Variants in OTOF observed in about 807,000 individuals in gnomAD.
The protein encoded by OTOF is fer-1-like family member 2.
A neutral mutation model predicts 236.8 loss-of-function variants in OTOF; 218 were observed. That is an observed-to-expected ratio of 0.92 (90% CI 0.82 to 1.03). OTOF has a LOEUF of 1.03. Ranked by LOEUF, OTOF falls within the 50% of genes least tolerant of loss-of-function variation. The pLI, the probability that OTOF is intolerant of heterozygous loss-of-function variation, is 0.00. For missense variants in OTOF, 2,590 were observed against 2,694.4 expected (o/e 0.96, Z 0.86); for synonymous variants, 1,041 against 1,072.5 (o/e 0.97, Z 0.57).
At chr2:26,540,047 C>G (rs141267587) in intron 1 of OTOF, among the ~76,000 whole-genome samples, 2 of 152,216 alleles carry the variant, frequency 1.3e-5, no homozygotes, top group African/African-American at 4.8e-5. Flanking sequence ...GATTCTCGTG[C>G]CTCAGCCTCC....
intron 3 of OTOF, among the ~76,000 whole-genome samples, chr2:26,524,680 A>T (rs1447728736): frequency 6.6e-6 from 1 of 152,250 alleles, no homozygotes; most frequent in Non-Finnish European, 1.5e-5. Flanking sequence ...CTTTCATTAT[A>T]AATGATTTAA....
chr2:26,496,264 C>G lies in OTOF; in HGVS notation c.766-1191G>C, dbSNP rs372244844. ...TTTTTTTTTTTTTCACACTGAGTCT[C>G]TCTCTGTCACTCAGGCCTGGAGTGC... On this transcript the variant is annotated intron_variant, in intron 8 of 46. Transcript: ENST00000272371. 2.0e-4 allele frequency among the ~76,000 whole-genome samples: 29 copies of G among 144,492 alleles called. No individual in the cohort carries two copies. In the East Asian group the frequency reaches 5.5e-3, roughly 27 times the overall value. 94.8% of individuals were successfully genotyped at this position (144,492 alleles called of 152,430 possible).
intron 22 of OTOF, 143 bp downstream of exon 22, chr2:26,476,748 C>A (rs573607313): frequency 4.5e-6 from 2 of 445,182 alleles, no homozygotes; most frequent in South Asian, 3.5e-5. Flanking sequence ...ACCCCTTCCC[C>A]CACGTCCTTC....
At chr2:26,502,731 T>C (rs1410251718) in intron 6 of OTOF, among the ~76,000 whole-genome samples, 1 of 152,232 alleles carries the variant, frequency 6.6e-6, no homozygotes, top group Admixed American at 6.5e-5. Context: ...ATCCATACTT[T>C]TGCACCTCTC....
chr2:26,484,477 T>C lies in OTOF; in HGVS notation c.1202A>G (p.Glu401Gly). ...KANETDEDDIEGNLLLPEGVP... is the reference protein window; with the variant it reads ...KANETDEDDIGGNLLLPEGVP... ...GGCTGGGGTAGCTGGGCCTCACCCC[T>C]CAATGTCATCTTCGTCGGTCTCATT... The change falls in exon 12 of 47, where the codon GAG becomes GGG. Residue 401 changes from glutamate (E) to glycine (G), a missense_variant. Physicochemically the swap from Glu to Gly is moderately conservative, Grantham distance 98. Coordinates refer to ENST00000272371, the MANE Select transcript of OTOF (RefSeq NM_194248.3). The C allele has an allele frequency of 6.2e-7, 1 of 1,613,956 alleles. No homozygotes were observed. The highest frequency in any genetic ancestry group is 2.2e-5 in the East Asian group (1 of 44,882).
intron 3 of OTOF, among the ~76,000 whole-genome samples, chr2:26,525,549 G>A (rs556132083): frequency 1.3e-5 from 2 of 152,236 alleles, no homozygotes; most frequent in Admixed American, 1.3e-4. Flanking sequence ...TAGGGGCAGG[G>A]ACTGTGCCTC....
intron 2 of OTOF, among the ~76,000 whole-genome samples, chr2:26,535,935 C>T (rs11694386): frequency 0.35 from 53,773 of 152,142 alleles, 11,825 homozygotes; most frequent in Admixed American, 0.52. Context: ...GGTGGCAGTG[C>T]CCTTGGAAGG....
intron 18 of OTOF, 39 bp downstream of exon 18, chr2:26,479,225 C>A: frequency 6.2e-7 from 1 of 1,609,580 alleles, no homozygotes; most frequent in South Asian, 1.1e-5. Context: ...CCGTCTCCCC[C>A]AGGACCCCAC....
chr2:26,538,724 C>A (rs566650799), intron 1 of OTOF, among the ~76,000 whole-genome samples: 4 of 152,120 alleles, frequency 2.6e-5, no homozygotes, highest in African/African-American at 7.2e-5. Flanking sequence ...GAGGATGGAC[C>A]AATGACAAAG....
intron 24 of OTOF, 106 bp from the exon 25 acceptor site, chr2:26,475,599 G>T: frequency 1.6e-6 from 2 of 1,263,640 alleles, no homozygotes; most frequent in Non-Finnish European, 2.3e-6. Context: ...CTGGGGGCAG[G>T]AGTGACAGGT....
At position 26,470,813 on chromosome 2, in the gene OTOF, A is replaced by C; in HGVS notation, c.3895-92T>G. 1 of 1,557,920 alleles carries C rather than the reference A, an allele frequency of 6.4e-7. No individual in the cohort carries two copies. Among genetic ancestry groups the C allele is most frequent in the Non-Finnish European group, 8.6e-7 (1 of 1,156,730 alleles). On this transcript the variant is annotated intron_variant, in intron 31 of 46. Transcript: ENST00000272371. This position sits in a 1 kb window ranked among gnomAD's most constrained non-coding sequence, Gnocchi z 4.3. ...ACCCATTCCGCCATCTGTCAGCAGG[A>C]AGCCTTGGGCTCCATGAGGCTCTGT...
At chr2:26,553,336 T>C (rs1311241608) in intron 1 of OTOF, among the ~76,000 whole-genome samples, 1 of 152,158 alleles carries the variant, frequency 6.6e-6, no homozygotes, top group East Asian at 1.9e-4. Context: ...AGACTTCACC[T>C]TCCTCCATCA....
rs1325398888 is a variant in OTOF at position 26,480,303 on chromosome 2, T to A, written c.1812A>T (p.Ala604=). The A allele has an allele frequency of 7.5e-6, 12 of 1,599,192 alleles. No homozygotes were observed. The highest frequency in any genetic ancestry group is 9.4e-6 in the Non-Finnish European group (11 of 1,168,266). ...EQATPISESC[A]GKMEEFFLFG... ...AGAGAAAGAATTCTTCCATTTTACC[T>A]GCACAGCTCTGTGGGGAGGCAGTTC... The change falls in exon 16 of 47, where the codon GCA becomes GCT. Residue 604 remains alanine, a synonymous_variant. Transcript: ENST00000272371.
chr2:26,493,079 G>A (rs993070546), intron 9 of OTOF, among the ~76,000 whole-genome samples: 8 of 152,172 alleles, frequency 5.3e-5, no homozygotes, highest in Admixed American at 1.3e-4. Flanking sequence ...TTATCTAGGC[G>A]GAGACTTGTC....
At chr2:26,459,691 T>C (rs1664365374) in intron 46 of OTOF, among the ~76,000 whole-genome samples, 1 of 152,086 alleles carries the variant, frequency 6.6e-6, no homozygotes, top group South Asian at 2.1e-4. Context: ...ATTTGCTGGG[T>C]AACCTTGAGC....
At chr2:26,519,777 A>C (rs1379589666) in intron 3 of OTOF, among the ~76,000 whole-genome samples, 1 of 152,166 alleles carries the variant, frequency 6.6e-6, no homozygotes, top group Non-Finnish European at 1.5e-5. Flanking sequence ...TTCTCATAAG[A>C]TGAGCTGATA....
intron 5 of OTOF, 25 bp downstream of exon 5, chr2:26,516,393 C>T: frequency 6.2e-7 from 1 of 1,606,488 alleles, no homozygotes; most frequent in Non-Finnish European, 8.5e-7. Flanking sequence ...GAGCAGTGGG[C>T]AGCCAGAGGG....
At chr2:26,555,016 TC>T (rs1558532203) in intron 1 of OTOF, among the ~76,000 whole-genome samples, 2 of 152,108 alleles carry the variant, frequency 1.3e-5, no homozygotes, top group Admixed American at 6.5e-5. Flanking sequence ...ACAGTCCAGG[TC>T]CCCCAGCCTT....
At chr2:26,489,104 G>C (rs577746810) in intron 11 of OTOF, 107 bp downstream of exon 11, 1 of 810,822 alleles carries the variant, frequency 1.2e-6, no homozygotes, top group South Asian at 1.4e-5. Context: ...CCAGACTGTG[G>C]TCCTTGCCAG....
Sources: gnomAD v4.1 joint callset for allele counts (sites outside exome capture counted in the v4.1 genomes callset) on GRCh38, gnomAD v4.1.1 for gene constraint, Gnocchi (gnomAD v3.1) non-coding constraint, MANE v1.5 for transcripts, NCBI Gene and HGNC (gene_info 2026-07-23, HGNC 2026-07-21) for gene names.